The following RASA1 variants were observed in gnomAD, a reference collection of about 807,000 sequenced individuals.
The protein encoded by RASA1 is RAS p21 protein activator 1.
Under a neutral mutation model 132.2 loss-of-function variants are expected in RASA1, and 25 were observed. That is an observed-to-expected ratio of 0.19 (90% confidence interval 0.14 to 0.26). The LOEUF (loss-of-function observed/expected upper bound fraction) is 0.26. Ranked by LOEUF, RASA1 falls within the 10% of genes least tolerant of loss-of-function variation. The probability of loss-of-function intolerance (pLI) is 1.00; values close to 1 mark genes in which losing one functional copy is unlikely to be tolerated. For synonymous variants in RASA1, 477 were observed against 449.9 expected, an observed-to-expected ratio of 1.06 and a Z score of -0.76; for missense variants, 964 against 1,299.2, an observed-to-expected ratio of 0.74 and a Z score of 3.97.
At chr5:87,324,653 G>A (rs1330339666) in intron 1 of RASA1, among the ~76,000 whole-genome samples, 1 of 152,156 alleles carries the variant, frequency 6.6e-6, no homozygotes, top group Non-Finnish European at 1.5e-5. Context: ...ATGCACGCAT[G>A]TGCACACACA....
intron 1 of RASA1, among the ~76,000 whole-genome samples, chr5:87,271,448 A>ACGT (rs1753828237): frequency 1.0e-5 from 1 of 99,184 alleles, no homozygotes; most frequent in Non-Finnish European, 2.0e-5. Context: ...TTTTTAGTAG[A>ACGT]CTTCTTTTTT....
rs148510282 is a variant in RASA1, at chr5:87,358,968, C to T, written c.1333-3583C>T. ...AGCAAATGACACTTTACCTAGACAC[C>T]TTAATTAACACTGCAACTTGCTCAA... is the stretch of plus-strand genomic sequence containing the variant. On this transcript the variant is annotated intron_variant, in intron 9 of 24. Transcript: ENST00000274376. Among the ~76,000 whole-genome samples the T allele has an allele frequency of 4.5e-3, 683 of 152,212 alleles. 4 individuals are homozygous for T. Among genetic ancestry groups the T allele is most frequent in the African/African-American group, 0.016 (645 of 41,526 alleles).
chr5:87,309,359 G>A (rs532022286), intron 1 of RASA1, among the ~76,000 whole-genome samples: 1 of 152,224 alleles, frequency 6.6e-6, no homozygotes, highest in Non-Finnish European at 1.5e-5. Context: ...GGATAGTAGG[G>A]CACTGGAGAG....
chr5:87,332,482 A>G, intron 2 of RASA1, 25 bp from the exon 3 acceptor site: 6 of 1,587,820 alleles, frequency 3.8e-6, no homozygotes, highest in Non-Finnish European at 4.3e-6. Context: ...ATTTTTTTAT[A>G]CTGTATTTTT....
chr5:87,377,148 A>G, intron 17 of RASA1, 108 bp downstream of exon 17: 1 of 1,388,016 alleles, frequency 7.2e-7, no homozygotes, highest in Non-Finnish European at 1.0e-6. Context: ...TTATATTGCA[A>G]AATAAGTTAT....
At chr5:87,293,472 G>A (rs1754993161) in intron 1 of RASA1, among the ~76,000 whole-genome samples, 1 of 151,960 alleles carries the variant, frequency 6.6e-6, no homozygotes, top group South Asian at 2.1e-4. Context: ...GTACATTGTT[G>A]GATTTAATTT....
intron 8 of RASA1, among the ~76,000 whole-genome samples, chr5:87,349,900 G>A (rs1310291902): frequency 6.6e-6 from 1 of 151,828 alleles, no homozygotes; most frequent in Non-Finnish European, 1.5e-5. Context: ...AGGAAAATAA[G>A]TTAATAGAAG....
chr5:87,304,110 C>T (rs1253711729), intron 1 of RASA1, among the ~76,000 whole-genome samples: 3 of 152,140 alleles, frequency 2.0e-5, no homozygotes, highest in Non-Finnish European at 1.5e-5. Context: ...TTTGGGATTA[C>T]AGGCATGAGC....
intron 17 of RASA1, 114 bp from the exon 18 acceptor site, chr5:87,378,282 A>G: frequency 8.0e-7 from 1 of 1,252,180 alleles, no homozygotes; most frequent in African/African-American, 1.5e-5. Context: ...TGCACGCAAA[A>G]AGCACATTTA....
At chr5:87,378,655 A>G in intron 18 of RASA1, 117 bp downstream of exon 18, 1 of 1,074,186 alleles carries the variant, frequency 9.3e-7, no homozygotes, top group South Asian at 1.4e-5. Flanking sequence ...TATTCCTCAT[A>G]GCAGTTACAC....
At chr5:87,334,235 GA>G (rs1488376202) in intron 4 of RASA1, among the ~76,000 whole-genome samples, 1 of 152,168 alleles carries the variant, frequency 6.6e-6, no homozygotes, top group African/African-American at 2.4e-5. Context: ...AGAACCAGGG[GA>G]GCCTATGGTG....
intron 6 of RASA1, among the ~76,000 whole-genome samples, chr5:87,344,167 TAACTA>T (rs1019321461): frequency 2.6e-5 from 4 of 152,066 alleles, no homozygotes; most frequent in Non-Finnish European, 5.9e-5. Flanking sequence ...TATTTAAAAA[TAACTA>T]AAAGAGTGGA....
chr5:87,275,410 T>G (rs1754020287), intron 1 of RASA1, among the ~76,000 whole-genome samples: 1 of 152,200 alleles, frequency 6.6e-6, no homozygotes, highest in Non-Finnish European at 1.5e-5. Flanking sequence ...TATGGCTTTA[T>G]GGTGACTTCT....
chr5:87,311,303 T>G (rs1037531958), intron 1 of RASA1, among the ~76,000 whole-genome samples: 12 of 152,186 alleles, frequency 7.9e-5, no homozygotes, highest in Non-Finnish European at 1.8e-4. Flanking sequence ...ATTTAAATTT[T>G]CAAGCAAAAA....
intron 1 of RASA1, among the ~76,000 whole-genome samples, chr5:87,324,170 C>G (rs1757037129): frequency 6.6e-6 from 1 of 152,090 alleles, no homozygotes; most frequent in South Asian, 2.1e-4. Flanking sequence ...AAGAAAAACC[C>G]AACTATAAGA....
At chr5:87,314,422 G>T (rs1200702851) in intron 1 of RASA1, among the ~76,000 whole-genome samples, 2 of 152,124 alleles carry the variant, frequency 1.3e-5, no homozygotes, top group Non-Finnish European at 2.9e-5. Context: ...TGAAAAATCT[G>T]TTGTAGGAAT....
chr5:87,378,633 A>G, intron 18 of RASA1, 95 bp downstream of exon 18: 1 of 1,296,320 alleles, frequency 7.7e-7, no homozygotes, highest in Non-Finnish European at 1.1e-6. Context: ...AAATATATTA[A>G]ATTTCTAAAA....
At chr5:87,283,146 G>GTTTTTTTTTTTTTTTTT (rs1235994274) in intron 1 of RASA1, among the ~76,000 whole-genome samples, 1 of 95,260 alleles carries the variant, frequency 1.0e-5, no homozygotes, top group Non-Finnish European at 2.4e-5. Context: ...TTTTTTTTTT[G>GTTTTTTTTTTTTTTTTT]TGTTTTTTTT....
chr5:87,362,434 T>C lies in RASA1; in HGVS notation c.1333-117T>C, dbSNP rs575580173. Reference sequence around the variant, plus strand: ...AAAGCAAAAGATCATTTATGTGTTATGTGTATCTAGATTTTAGTATTTTAA... The same window carrying C: ...AAAGCAAAAGATCATTTATGTGTTACGTGTATCTAGATTTTAGTATTTTAA... On this transcript the variant is annotated intron_variant, in intron 9 of 24. Coordinates refer to ENST00000274376, the MANE Select transcript of RASA1 (RefSeq NM_002890.3). 26 of 958,470 alleles carry C rather than the reference T, an allele frequency of 2.7e-5. No homozygotes were observed. In the South Asian group the frequency reaches 2.7e-4, roughly 10 times the overall value. The allele number at this position is 958,470 out of a possible 1,614,324, so 59.4% of individuals were successfully genotyped here.
Sources: gnomAD v4.1 joint callset for allele counts (sites outside exome capture counted in the v4.1 genomes callset) on GRCh38, gnomAD v4.1.1 for gene constraint, MANE v1.5 for transcripts, NCBI Gene and HGNC (gene_info 2026-07-23, HGNC 2026-07-21) for gene names.